PLA2R1: variants seen among roughly 807,000 people sequenced by gnomAD.
The protein encoded by PLA2R1 is secretory phospholipase A2 receptor.
A neutral mutation model predicts 195.9 loss-of-function variants in PLA2R1; 158 were observed. The ratio of observed to expected loss-of-function variants is 0.81; its 90% CI spans 0.71 to 0.92. The LOEUF (loss-of-function observed/expected upper bound fraction) is 0.92, where lower values mean the gene tolerates loss of function less well. PLA2R1 is among the 40% of genes least tolerant of loss of function. The pLI is 0.00. For missense variants in PLA2R1, 1,626 were observed against 1,764.6 expected (o/e 0.92, Z 1.41); for synonymous variants, 586 against 598.2 (o/e 0.98, Z 0.30).
Position 159,990,103 on chromosome 2 carries a change from C to T in PLA2R1, c.1835-2745G>A, listed in dbSNP as rs3792169. Among the ~76,000 whole-genome samples the T allele has an allele frequency of 2.0e-4, 30 of 152,152 alleles. No homozygotes were observed. In the East Asian group the frequency reaches 5.6e-3, roughly 28 times the overall value. On this transcript the variant is annotated intron_variant, in intron 11 of 29. Transcript: ENST00000283243. ...AGTGGTATAATAAAGGGAGACCAGG[C>T]TAAGGGAGAGATAAACTAAATTTAT...
At chr2:159,970,770 AT>A (rs1689107074) in intron 17 of PLA2R1, among the ~76,000 whole-genome samples, 1 of 152,182 alleles carries the variant, frequency 6.6e-6, no homozygotes, top group Non-Finnish European at 1.5e-5. Context: ...CAACTAGAAA[AT>A]TATCCTTTTG....
At chr2:160,005,928 A>G (rs1056485769) in intron 10 of PLA2R1, 107 bp from the exon 11 acceptor site, 11 of 745,090 alleles carry the variant, frequency 1.5e-5, no homozygotes, top group Admixed American at 1.1e-4. Context: ...AGCATTTCTC[A>G]TCAATTCTTT....
At chr2:160,039,442 ATAC>A (rs1043508868) in intron 3 of PLA2R1, among the ~76,000 whole-genome samples, 4 of 152,292 alleles carry the variant, frequency 2.6e-5, no homozygotes, top group African/African-American at 7.2e-5. Flanking sequence ...GTGTTTATGA[ATAC>A]TACATTTAAA....
At position 160,028,432 on chromosome 2, in the gene PLA2R1, T is replaced by C. The variant is rs1693654691; in HGVS notation, c.956-71A>G. On this transcript the variant is annotated intron_variant, in intron 5 of 29. Coordinates refer to ENST00000283243, the MANE Select transcript of PLA2R1 (RefSeq NM_007366.5). The stretch of plus-strand genomic sequence containing the variant: ...AGTTTAATATATATTGAAATGTGGT[T>C]TTCAGCATCGGGGGACAGCGTTTCT... The C allele has an allele frequency of 5.5e-6, 6 of 1,100,288 alleles. No homozygotes were observed. The South Asian group carries it at 8.1e-5, about 15-fold the overall frequency. The allele number at this position is 1,100,288 out of a possible 1,614,324, so 68.2% of individuals were successfully genotyped here.
chr2:160,018,498 G>C (rs1692906106), intron 8 of PLA2R1, among the ~76,000 whole-genome samples: 1 of 152,190 alleles, frequency 6.6e-6, no homozygotes, highest in African/African-American at 2.4e-5. Context: ...CAGGCATGCT[G>C]GTGCAAGCCT....
chr2:159,925,561 C>CAAAAAA, the PLA2R1 span, among the ~76,000 whole-genome samples: 20 of 136,078 alleles, frequency 1.5e-4, no homozygotes, highest in Non-Finnish European at 2.3e-4. Flanking sequence ...GGAATCAAAG[C>CAAAAAA]AAAAAAAAAA....
At chr2:159,993,356 T>C (rs1185426326) in intron 11 of PLA2R1, among the ~76,000 whole-genome samples, 1 of 151,842 alleles carries the variant, frequency 6.6e-6, no homozygotes, top group Non-Finnish European at 1.5e-5. Flanking sequence ...AAATTTGGCA[T>C]GAAAGAAAGG....
At chr2:160,000,586 A>G (rs551754733) in intron 11 of PLA2R1, among the ~76,000 whole-genome samples, 1 of 152,308 alleles carries the variant, frequency 6.6e-6, no homozygotes, top group East Asian at 1.9e-4. Context: ...TGAGATCCAG[A>G]AACAGACCCA....
intron 11 of PLA2R1, among the ~76,000 whole-genome samples, chr2:159,988,624 AGAGTGATTATAG>A (rs1690531674): frequency 6.6e-6 from 1 of 152,250 alleles, no homozygotes; most frequent in South Asian, 2.1e-4. Flanking sequence ...TTGTAAAAAG[AGAGTGATTATAG>A]ATGACTGACG....
intron 10 of PLA2R1, among the ~76,000 whole-genome samples, chr2:160,006,207 A>G (rs1691973098): frequency 6.6e-6 from 1 of 152,228 alleles, no homozygotes; most frequent in Non-Finnish European, 1.5e-5. Flanking sequence ...TGCACGGGGT[A>G]AAGGTGGGCA....
At chr2:159,993,303 T>C (rs1690961942) in intron 11 of PLA2R1, among the ~76,000 whole-genome samples, 1 of 152,072 alleles carries the variant, frequency 6.6e-6, no homozygotes, top group South Asian at 2.1e-4. Context: ...TGTTGTTGCT[T>C]TTTACTAAAA....
chr2:160,048,722 G>T (rs886260935), intron 1 of PLA2R1, among the ~76,000 whole-genome samples: 11 of 151,950 alleles, frequency 7.2e-5, no homozygotes, highest in Non-Finnish European at 1.2e-4. Context: ...CACTGATTAA[G>T]TGATTAATGA....
At chr2:160,021,409 T>G (rs1480421642) in intron 7 of PLA2R1, among the ~76,000 whole-genome samples, 1 of 152,162 alleles carries the variant, frequency 6.6e-6, no homozygotes, top group Non-Finnish European at 1.5e-5. Context: ...AAAGAAAATA[T>G]GGTATATATA....
chr2:159,949,620 G>A lies in PLA2R1; in HGVS notation c.3697C>T (p.His1233Tyr), dbSNP rs958715451. 1 of 1,613,502 alleles carries A rather than the reference G, an allele frequency of 6.2e-7. No homozygotes were observed. Among genetic ancestry groups the A allele is most frequent in the Admixed American group, 1.7e-5 (1 of 59,982 alleles). Residue 1233 changes from histidine to tyrosine, a missense_variant, in exon 25 of 30, where the codon CAT (histidine) becomes TAT (tyrosine). Coordinates refer to ENST00000283243, the MANE Select transcript of PLA2R1 (RefSeq NM_007366.5). ...GAATTGAACCTACCAGGTGGCACAT[G>A]ACAAATGGCACCTTGCAGAAATGAC... is the stretch of plus-strand genomic sequence containing the variant. ...CESFLQGAIC[H>Y]VPPETRQSEH... is the part of the protein sequence containing the mutation.
chr2:160,056,405 G>A (rs940271208), intron 1 of PLA2R1, among the ~76,000 whole-genome samples: 2 of 152,104 alleles, frequency 1.3e-5, no homozygotes, highest in Non-Finnish European at 2.9e-5. Context: ...CTCCTCTGCT[G>A]TGAGGACCTT....
chr2:159,991,501 T>C (rs1352769472), intron 11 of PLA2R1, among the ~76,000 whole-genome samples: 1 of 151,428 alleles, frequency 6.6e-6, no homozygotes, highest in Non-Finnish European at 1.5e-5. Context: ...TTAGGGTACC[T>C]GTGCACATTG....
At chr2:159,931,117 A>C (rs1006156724), downstream of PLA2R1, among the ~76,000 whole-genome samples, 2 of 152,216 alleles carry the variant, frequency 1.3e-5, no homozygotes, top group South Asian at 4.1e-4. Flanking sequence ...CTGTGAAATA[A>C]GGCAGTCCAG....
In PLA2R1 at chr2:160,056,575, T is replaced by C. The variant is rs79671025; in HGVS notation, c.109+5720A>G. Among the ~76,000 whole-genome samples, 1,507 of 152,304 alleles carry C rather than the reference T, an allele frequency of 9.9e-3. 17 individuals are homozygous for C. Among genetic ancestry groups the C allele is most frequent in the South Asian group, 0.015 (73 of 4,822 alleles). The stretch of plus-strand genomic sequence containing the variant: ...CCTCATCTAACTTTCACTAACTGTT[T>C]TCTTTTGTTGTTGTTTTTAAATATA... On this transcript the variant is annotated intron_variant, in intron 1 of 29. Coordinates refer to ENST00000283243, the MANE Select transcript of PLA2R1 (RefSeq NM_007366.5).
chr2:160,062,292 C>A lies in PLA2R1; in HGVS notation c.109+3G>T. On this transcript the variant is annotated splice_donor_region_variant and intron_variant, in intron 1 of 29. Transcript: ENST00000283243. ...ATCCAGTCCCCGACCCTGGGAGACT[C>A]ACCCTGCCACTCCAGGAGCCGCTCG... is the stretch of plus-strand genomic sequence containing the variant. The A allele has an allele frequency of 6.7e-7, 1 of 1,485,958 alleles. No homozygotes were observed. Among genetic ancestry groups the A allele is most frequent in the South Asian group, 1.3e-5 (1 of 76,638 alleles). The allele number at this position is 1,485,958 out of a possible 1,614,324, so 92.0% of individuals were successfully genotyped here. A position where few individuals can be genotyped will look rare whatever the true frequency, so the allele number is the denominator to read the frequency against.
Sources: allele counts gnomAD v4.1 joint callset (sites outside exome capture counted in the v4.1 genomes callset), GRCh38; gene constraint gnomAD v4.1.1; transcripts MANE v1.5; gene names NCBI Gene and HGNC (gene_info 2026-07-23, HGNC 2026-07-21).